SNX13: variants seen among roughly 807,000 people sequenced by gnomAD.
SNX13 encodes the protein sorting nexin 13, also known as sorting nexin-13.
In SNX13, 45 loss-of-function variants were observed where a neutral mutation model predicts 133.6. The ratio of observed to expected loss-of-function variants is 0.34; its 90% CI spans 0.27 to 0.43. The LOEUF is 0.43. Among genes scored for constraint, SNX13 ranks in the 20% least tolerant of loss-of-function variants. The pLI, the probability that SNX13 is intolerant of heterozygous loss-of-function variation, is 1.00. For synonymous variants in SNX13, 414 were observed against 373.9 expected (o/e 1.11, Z -1.24); for missense variants, 1,032 against 1,145.1 (o/e 0.90, Z 1.43).
chr7:17,850,211 G>A, intron 11 of SNX13, 136 bp downstream of exon 11: 1 of 410,424 alleles, frequency 2.4e-6, no homozygotes. Flanking sequence ...CATTGTAGAA[G>A]AGAAAACTCT....
intron 9 of SNX13, among the ~76,000 whole-genome samples, chr7:17,867,136 T>C (rs199746279): frequency 1.3e-5 from 2 of 152,190 alleles, no homozygotes; most frequent in East Asian, 1.9e-4. Flanking sequence ...TGTGCAGATA[T>C]GTGTATTTTC....
chr7:17,815,367 C>G (rs914890580), intron 19 of SNX13, among the ~76,000 whole-genome samples: 5 of 151,986 alleles, frequency 3.3e-5, no homozygotes, highest in East Asian at 1.9e-4. Flanking sequence ...GAAAATTGCC[C>G]CAGCCAGGAA....
intron 9 of SNX13, among the ~76,000 whole-genome samples, chr7:17,868,024 C>T (rs1184638986): frequency 6.6e-6 from 1 of 152,120 alleles, no homozygotes; most frequent in Non-Finnish European, 1.5e-5. Flanking sequence ...ATTCTGTCCT[C>T]CATATTTTCC....
At position 17,819,892 on chromosome 7, in the gene SNX13, A is replaced by AAC. The variant is rs61318514; in HGVS notation, c.1845+1615_1845+1616dup. Among the ~76,000 whole-genome samples the AAC allele has an allele frequency of 3.3e-3, 501 of 150,140 alleles. 2 individuals are homozygous for AAC. Among genetic ancestry groups the AAC allele is most frequent in the Non-Finnish European group, 5.8e-3 (393 of 67,378 alleles). The stretch of plus-strand genomic sequence containing the variant: ...TATAAAGTTTATAAACTTTATAAGA[A>AAC]ACACACACACACACACACACACAAA... On this transcript the variant is annotated intron_variant, in intron 18 of 25. Transcript: ENST00000428135.
chr7:17,853,168 T>C (rs889237443), intron 9 of SNX13, among the ~76,000 whole-genome samples: 1 of 152,018 alleles, frequency 6.6e-6, no homozygotes, highest in African/African-American at 2.4e-5. Context: ...TGTAGGTTTC[T>C]TTTTTTTCAT....
chr7:17,840,376 C>T (rs1013547359), intron 12 of SNX13, among the ~76,000 whole-genome samples: 1 of 151,720 alleles, frequency 6.6e-6, no homozygotes, highest in Non-Finnish European at 1.5e-5. Context: ...ATTTTTATCA[C>T]AAAAATGAAA....
Position 17,792,907 on chromosome 7 carries a change from T to A in SNX13, c.*1138A>T, listed in dbSNP as rs12666609. ...GGGTTTAAAGGTATACACTGAGGGG[T>A]CTTGCCTACTAGCTTTATTTTGTAG... On this transcript the variant is annotated 3_prime_UTR_variant, in exon 26 of 26. Coordinates refer to ENST00000428135, the MANE Select transcript of SNX13 (RefSeq NM_015132.5). 6.6e-6 allele frequency: 1 copy of A among 152,222 alleles called. No individual in the cohort carries two copies. The highest frequency in any genetic ancestry group is 6.6e-5 in the Admixed American group (1 of 15,218). 9.4% of individuals were successfully genotyped at this position (152,222 alleles called of 1,614,324 possible).
intron 15 of SNX13, chr7:17,832,193 G>A (rs989806865): frequency 1.0e-6 from 1 of 984,288 alleles, no homozygotes; most frequent in African/African-American, 1.8e-5. Flanking sequence ...ATTTTTTAAT[G>A]TACTTCGTGT....
In SNX13 at chr7:17,798,730, T is replaced by C; in HGVS notation, c.2473A>G (p.Thr825Ala). 1 of 1,568,364 alleles carries C rather than the reference T, an allele frequency of 6.4e-7. No homozygotes were observed. Among genetic ancestry groups the C allele is most frequent in the Non-Finnish European group, 8.6e-7 (1 of 1,161,624 alleles). ...RKIVDHVDWM[T>A]SPEQVADSVK... The stretch of plus-strand genomic sequence containing the variant: ...GAGTCGGCTACTTGTTCAGGTGAAG[T>C]CATCCAGTCAACATGGTCAACTATT... Residue 825 changes from threonine to alanine, a missense_variant, in exon 24 of 26, where the codon ACT (threonine) becomes GCT (alanine). Coordinates refer to ENST00000428135, the MANE Select transcript of SNX13 (RefSeq NM_015132.5).
chr7:17,805,254 T>TGCGCGCGCGCGCGCAC (rs56000068), intron 20 of SNX13, among the ~76,000 whole-genome samples: 1 of 132,440 alleles, frequency 7.6e-6, no homozygotes, highest in Admixed American at 7.6e-5. Context: ...TGTGTGTGCG[T>TGCGCGCGCGCGCGCAC]GCGCGCGCGC....
At chr7:17,804,573 C>G (rs544009153) in intron 20 of SNX13, among the ~76,000 whole-genome samples, 1 of 151,358 alleles carries the variant, frequency 6.6e-6, no homozygotes, top group Non-Finnish European at 1.5e-5. Context: ...TGACAGAAAG[C>G]AAAAATGGTA....
intron 4 of SNX13, 37 bp downstream of exon 4, chr7:17,891,508 CA>C: frequency 6.8e-7 from 1 of 1,463,452 alleles, no homozygotes; most frequent in Non-Finnish European, 9.5e-7. Context: ...ACCTAGAACA[CA>C]ATATATAGAA....
intron 20 of SNX13, 105 bp from the exon 21 acceptor site, chr7:17,803,685 A>G: frequency 1.0e-6 from 1 of 985,542 alleles, no homozygotes; most frequent in Non-Finnish European, 1.4e-6. Flanking sequence ...AGATGCAGTA[A>G]TTTTCTGGTC....
intron 22 of SNX13, among the ~76,000 whole-genome samples, chr7:17,801,135 A>G (rs750787915): frequency 2.1e-5 from 3 of 141,078 alleles, no homozygotes; most frequent in Non-Finnish European, 4.7e-5. Context: ...TGTTCATAGA[A>G]GTATTATTCA....
At chr7:17,931,529 C>T (rs989917076) in intron 1 of SNX13, among the ~76,000 whole-genome samples, 3 of 152,176 alleles carry the variant, frequency 2.0e-5, no homozygotes, top group Admixed American at 6.5e-5. Flanking sequence ...CAAAGAATCA[C>T]AACTCTTTCC....
At chr7:17,940,160 C>T in intron 1 of SNX13, 124 bp downstream of exon 1, 2 of 1,319,818 alleles carry the variant, frequency 1.5e-6, no homozygotes, top group South Asian at 1.3e-5. Context: ...CCCGCTGCTC[C>T]TCGGGCCCTG....
chr7:17,838,367 C>T (rs1789402751), intron 13 of SNX13, among the ~76,000 whole-genome samples: 1 of 151,766 alleles, frequency 6.6e-6, no homozygotes, highest in South Asian at 2.1e-4. Flanking sequence ...GTGTCTTCTT[C>T]CATTTTTTCA....
chr7:17,928,121 C>A (rs1800971891), intron 1 of SNX13, among the ~76,000 whole-genome samples: 1 of 152,166 alleles, frequency 6.6e-6, no homozygotes, highest in African/African-American at 2.4e-5. Flanking sequence ...AAAGCTAGAT[C>A]CTCAATGCAT....
At chr7:17,816,143 T>G (rs770106210) in intron 19 of SNX13, 39 bp downstream of exon 19, 3 of 1,497,572 alleles carry the variant, frequency 2.0e-6, no homozygotes, top group Non-Finnish European at 2.7e-6. Context: ...TGTGCTATAT[T>G]AAATGAAAAT....
Sources: gnomAD v4.1 joint callset for allele counts (sites outside exome capture counted in the v4.1 genomes callset) on GRCh38, gnomAD v4.1.1 for gene constraint, MANE v1.5 for transcripts, NCBI Gene and HGNC (gene_info 2026-07-23, HGNC 2026-07-21) for gene names.